Variants in XKR9 observed in about 807,000 individuals in gnomAD.
The protein encoded by XKR9 is XK-related protein 9.
XKR9 carries 32 observed loss-of-function variants against 32.0 expected under a neutral mutation model. The observed-to-expected ratio is 1.00, with a 90% CI of 0.76 to 1.34. The LOEUF (loss-of-function observed/expected upper bound fraction) is 1.34. Among genes scored for constraint, XKR9 ranks in the 40% most tolerant of loss-of-function variants. XKR9 has a pLI of 0.00. For synonymous variants in XKR9, 168 were observed against 143.4 expected (o/e 1.17, Z -1.22); for missense variants, 546 against 429.7 (o/e 1.27, Z -2.39).
At chr8:70,950,238 G>A in the XKR9 span, among the ~76,000 whole-genome samples, 3 of 152,140 alleles carry the variant, frequency 2.0e-5, no homozygotes, top group Non-Finnish European at 2.9e-5. Flanking sequence ...ACAGACAATC[G>A]AATTTTACAC....
the XKR9 span, among the ~76,000 whole-genome samples, chr8:70,998,149 G>A: frequency 2.6e-5 from 4 of 152,196 alleles, no homozygotes; most frequent in Non-Finnish European, 4.4e-5. Context: ...CTTCAAAAGA[G>A]CCATTTTTCT....
chr8:70,930,745 T>A, the XKR9 span, among the ~76,000 whole-genome samples: 1 of 152,038 alleles, frequency 6.6e-6, no homozygotes, highest in African/African-American at 2.4e-5. Context: ...GCTCAGGGGA[T>A]TGGTAATGGG....
the XKR9 span, among the ~76,000 whole-genome samples, chr8:70,990,597 C>T: frequency 6.6e-6 from 1 of 152,296 alleles, no homozygotes; most frequent in East Asian, 1.9e-4. Flanking sequence ...AGGATCTCCA[C>T]TTCAGTTCAG....
the XKR9 span, among the ~76,000 whole-genome samples, chr8:71,039,003 C>T: frequency 9.9e-5 from 15 of 151,868 alleles, no homozygotes; most frequent in Non-Finnish European, 1.9e-4. Context: ...GGGGTTTCAC[C>T]ATGTTGGCCA....
the XKR9 span, among the ~76,000 whole-genome samples, chr8:71,019,904 C>A: frequency 2.0e-5 from 3 of 152,110 alleles, no homozygotes; most frequent in African/African-American, 4.8e-5. Flanking sequence ...TCTTAACTGG[C>A]CTGGTAAAGT....
chr8:70,965,206 A>T, the XKR9 span, among the ~76,000 whole-genome samples: 1 of 152,166 alleles, frequency 6.6e-6, no homozygotes, highest in Admixed American at 6.5e-5. Context: ...TGAGATAATC[A>T]TGATGTTTTT....
the XKR9 span, among the ~76,000 whole-genome samples, chr8:70,942,139 C>T: frequency 6.6e-6 from 1 of 152,220 alleles, no homozygotes; most frequent in Admixed American, 6.5e-5. Flanking sequence ...TCACTTATAA[C>T]TTTGTCTAGT....
At chr8:70,809,199 C>T in the XKR9 span, among the ~76,000 whole-genome samples, 2 of 152,176 alleles carry the variant, frequency 1.3e-5, no homozygotes, top group Admixed American at 6.5e-5. Flanking sequence ...TGGAGTGGAC[C>T]TCCAGCAAAC....
In XKR9 at chr8:70,734,592, A is replaced by T; in HGVS notation, c.*168A>T. 1 of 968,722 alleles carries T rather than the reference A, an allele frequency of 1.0e-6. No individual in the cohort carries two copies. Among genetic ancestry groups the T allele is most frequent in the Non-Finnish European group, 1.3e-6 (1 of 753,394 alleles). 60.0% of individuals were successfully genotyped at this position (968,722 alleles called of 1,614,324 possible). On this transcript the variant is annotated 3_prime_UTR_variant, in exon 5 of 5. Transcript: ENST00000408926. ...ATTTTATTTTTAAAATTAATTTCTC[A>T]TTTGGTTTTGAAGATCTTGAGTACT... is the stretch of plus-strand genomic sequence containing the variant.
chr8:70,876,418 G>A, the XKR9 span, among the ~76,000 whole-genome samples: 1 of 151,962 alleles, frequency 6.6e-6, no homozygotes, highest in Non-Finnish European at 1.5e-5. Flanking sequence ...CACCATGTTG[G>A]TCAGGCTGGT....
At chr8:70,722,800 T>C (rs975717176) in intron 4 of XKR9, among the ~76,000 whole-genome samples, 2 of 152,156 alleles carry the variant, frequency 1.3e-5, no homozygotes, top group Non-Finnish European at 2.9e-5. Flanking sequence ...TGAGGATATC[T>C]TAGGGGTATA....
chr8:70,995,414 C>A, the XKR9 span, among the ~76,000 whole-genome samples: 2 of 152,216 alleles, frequency 1.3e-5, no homozygotes, highest in Non-Finnish European at 1.5e-5. Flanking sequence ...TATGGCCCCA[C>A]ATATGCCTGG....
chr8:70,795,222 C>G (rs190494923), downstream of XKR9, among the ~76,000 whole-genome samples: 7 of 152,094 alleles, frequency 4.6e-5, no homozygotes, highest in African/African-American at 1.7e-4. Flanking sequence ...TAAGTGAGAA[C>G]ATACGATATT....
chr8:70,903,022 T>G, the XKR9 span, among the ~76,000 whole-genome samples: 4 of 152,194 alleles, frequency 2.6e-5, no homozygotes, highest in African/African-American at 9.7e-5. Flanking sequence ...CTTCTTGATG[T>G]GCTGCTGGAT....
At position 70,734,146 on chromosome 8, in the gene XKR9, A is replaced by C. The variant is rs1297634597; in HGVS notation, c.844A>C (p.Asn282His). ...TACATTTTTTAATATTAAGGGACAGAATACCAAGTGTCCAATGTCTTGTTA... is the reference window on the plus strand; with the variant it reads ...TACATTTTTTAATATTAAGGGACAGCATACCAAGTGTCCAATGTCTTGTTA... ...IFTFFNIKGQ[N>H]TKCPMSCYYI... is the part of the protein sequence containing the mutation. The change falls in exon 5 of 5, where the codon AAT becomes CAT. Residue 282 changes from asparagine to histidine, a missense_variant. Transcript: ENST00000408926. 6.2e-7 allele frequency: 1 copy of C among 1,612,636 alleles called. No individual in the cohort carries two copies. Among genetic ancestry groups the C allele is most frequent in the South Asian group, 1.1e-5 (1 of 90,998 alleles).
chr8:70,715,367 T>C (rs1806054038), intron 4 of XKR9, among the ~76,000 whole-genome samples: 1 of 152,108 alleles, frequency 6.6e-6, no homozygotes, highest in Non-Finnish European at 1.5e-5. Flanking sequence ...TCAACTGCAA[T>C]TAAAATGTCT....
the XKR9 span, among the ~76,000 whole-genome samples, chr8:70,920,215 A>C: frequency 2.6e-5 from 4 of 152,188 alleles, no homozygotes; most frequent in South Asian, 8.3e-4. Context: ...TACTTTTAGG[A>C]ATACATGTTT....
At chr8:70,803,266 C>A in the XKR9 span, among the ~76,000 whole-genome samples, 1 of 152,126 alleles carries the variant, frequency 6.6e-6, no homozygotes, top group East Asian at 1.9e-4. Context: ...TTATGAAATT[C>A]ATGAAGAGAA....
intron 2 of XKR9, among the ~76,000 whole-genome samples, chr8:70,766,348 T>G (rs930742800): frequency 1.3e-5 from 2 of 152,172 alleles, no homozygotes; most frequent in Non-Finnish European, 2.9e-5. Flanking sequence ...TTCCTAGGCA[T>G]TTTATTCTCT....
Sources: allele counts gnomAD v4.1 joint callset (sites outside exome capture counted in the v4.1 genomes callset), GRCh38; gene constraint gnomAD v4.1.1; transcripts MANE v1.5; gene names NCBI Gene and HGNC (gene_info 2026-07-23, HGNC 2026-07-21).